PCDH9: variants seen among roughly 807,000 people sequenced by gnomAD.
PCDH9 encodes the protein protocadherin-9.
A neutral mutation model predicts 70.6 loss-of-function variants in PCDH9; 24 were observed. The ratio of observed to expected loss-of-function variants is 0.34; its 90% CI spans 0.25 to 0.48. PCDH9 has a LOEUF of 0.48. Among genes scored for constraint, PCDH9 ranks in the 20% least tolerant of loss-of-function variants. The pLI, the probability that PCDH9 is intolerant of heterozygous loss-of-function variation, is 0.99. For synonymous variants in PCDH9, 562 were observed against 558.5 expected (o/e 1.01, Z -0.09); for missense variants, 1,281 against 1,503.6 (o/e 0.85, Z 2.45).
chr13:66,635,976 A>G (rs2077631985), intron 3 of PCDH9, among the ~76,000 whole-genome samples: 1 of 152,180 alleles, frequency 6.6e-6, no homozygotes. Context: ...AGTTATGTCA[A>G]TTAATATGTA....
At chr13:66,916,494 G>A (rs1403277166) in intron 2 of PCDH9, among the ~76,000 whole-genome samples, 1 of 151,466 alleles carries the variant, frequency 6.6e-6, no homozygotes, top group Non-Finnish European at 1.5e-5. Context: ...CAGAATCTGT[G>A]AGATCAAAAG....
At chr13:66,704,854 T>C (rs1056575395) in intron 3 of PCDH9, among the ~76,000 whole-genome samples, 2 of 152,152 alleles carry the variant, frequency 1.3e-5, no homozygotes, top group Non-Finnish European at 2.9e-5. Context: ...TTAAAATACA[T>C]TTTTCTTCAT....
intron 4 of PCDH9, among the ~76,000 whole-genome samples, chr13:66,310,253 T>G (rs968382424): frequency 3.9e-5 from 6 of 152,038 alleles, no homozygotes; most frequent in Non-Finnish European, 5.9e-5. Context: ...AATATTTATA[T>G]CAGGTCTCAA....
intron 2 of PCDH9, among the ~76,000 whole-genome samples, chr13:67,039,083 T>G (rs951226604): frequency 6.6e-6 from 1 of 152,208 alleles, no homozygotes; most frequent in Admixed American, 6.5e-5. Context: ...TTCACGGAAC[T>G]TCTGCATTGG....
chr13:66,583,471 G>A (rs1181083950), intron 4 of PCDH9, among the ~76,000 whole-genome samples: 1 of 151,916 alleles, frequency 6.6e-6, no homozygotes, highest in African/African-American at 2.4e-5. Context: ...AATTGGCTGG[G>A]CTTGGGGGGA....
chr13:67,175,796 A>T (rs1274702544), intron 2 of PCDH9, among the ~76,000 whole-genome samples: 1 of 152,178 alleles, frequency 6.6e-6, no homozygotes, highest in Non-Finnish European at 1.5e-5. Context: ...TCCCTTAACT[A>T]GTTCTAAAGA....
rs1226480227 is a variant in PCDH9 at position 67,036,602 on chromosome 13, T to C, written c.3037-132997A>G. The stretch of plus-strand genomic sequence containing the variant: ...CAACTTCAGGTTTTTTGACATGTTG[T>C]TATATTTAAATTAAAGGCAATGTTA... On this transcript the variant is annotated intron_variant, in intron 2 of 4. Transcript: ENST00000377865. Among the ~76,000 whole-genome samples, 3 of 152,326 alleles carry C rather than the reference T, an allele frequency of 2.0e-5. No individual in the cohort carries two copies. In the South Asian group the frequency reaches 6.2e-4, roughly 32 times the overall value.
chr13:66,405,531 T>G (rs1427509438), intron 4 of PCDH9, among the ~76,000 whole-genome samples: 1 of 152,164 alleles, frequency 6.6e-6, no homozygotes, highest in Non-Finnish European at 1.5e-5. Flanking sequence ...AAAAATAGAT[T>G]ATTTAAATGT....
chr13:66,981,448 A>G (rs1047622677), intron 2 of PCDH9, among the ~76,000 whole-genome samples: 1 of 151,520 alleles, frequency 6.6e-6, no homozygotes, highest in Non-Finnish European at 1.5e-5. Context: ...AAAAAAAAAA[A>G]AAAAGAAAAA....
Position 67,146,801 on chromosome 13 carries a change from C to T in PCDH9, c.3036+78604G>A, listed in dbSNP as rs2087533745. Among the ~76,000 whole-genome samples the T allele has an allele frequency of 2.0e-5, 3 of 152,178 alleles. No individual in the cohort carries two copies. The South Asian group carries it at 6.2e-4, about 31-fold the overall frequency. ...AAAAGTACTCTGCCAGAAAAGCCTA[C>T]TTCAGTCAAAACACACTTCCACTTA... On this transcript the variant is annotated intron_variant, in intron 2 of 4. Transcript: ENST00000377865.
At chr13:66,957,046 C>T (rs1372257856) in intron 2 of PCDH9, among the ~76,000 whole-genome samples, 1 of 152,142 alleles carries the variant, frequency 6.6e-6, no homozygotes, top group Non-Finnish European at 1.5e-5. Flanking sequence ...AATTATAGCA[C>T]CCACAATTTA....
rs777808609 is a variant in PCDH9, at chr13:67,227,302, T to C, written c.1139A>G (p.Asn380Ser). The C allele has an allele frequency of 6.2e-7, 1 of 1,613,676 alleles. No individual in the cohort carries two copies. Among genetic ancestry groups the C allele is most frequent in the East Asian group, 2.2e-5 (1 of 44,872 alleles). The change falls in exon 2 of 5, where the codon AAT (asparagine) becomes AGT (serine). Residue 380 changes from asparagine (N) to serine (S), a missense_variant. Coordinates refer to ENST00000377865, the MANE Select transcript of PCDH9 (RefSeq NM_203487.3). This position sits in a 1 kb window ranked among gnomAD's most constrained non-coding sequence, Gnocchi z 4.6. ...TVYLSEKDPV[N>S]TKIALITVSD... ...AACTGTAATTAGGGCAATCTTTGTA[T>C]TGACAGGATCTTTCTCAGATAAATA...
At chr13:66,984,502 A>C (rs1487714820) in intron 2 of PCDH9, among the ~76,000 whole-genome samples, 4 of 152,094 alleles carry the variant, frequency 2.6e-5, no homozygotes, top group African/African-American at 7.2e-5. Flanking sequence ...GCTTGTTTTG[A>C]CCTAGGACAA....
chr13:67,210,231 A>C (rs2031864), intron 2 of PCDH9: 35 of 151,846 alleles, frequency 2.3e-4, no homozygotes, highest in Non-Finnish European at 4.4e-5. Flanking sequence ...CAATCTGCTC[A>C]AGGTTTTGTA....
chr13:66,345,674 A>C (rs903998656), intron 4 of PCDH9, among the ~76,000 whole-genome samples: 3 of 152,164 alleles, frequency 2.0e-5, no homozygotes, highest in Non-Finnish European at 4.4e-5. Flanking sequence ...CATAAGGTTG[A>C]TTTGGACCTC....
intron 2 of PCDH9, among the ~76,000 whole-genome samples, chr13:67,097,012 C>G (rs937530729): frequency 6.6e-6 from 1 of 151,808 alleles, no homozygotes; most frequent in Non-Finnish European, 1.5e-5. Flanking sequence ...CTTTGGGAGG[C>G]CAAGGTGGGT....
chr13:67,006,655 G>A (rs1277843293), intron 2 of PCDH9, among the ~76,000 whole-genome samples: 2 of 152,150 alleles, frequency 1.3e-5, no homozygotes, highest in Non-Finnish European at 2.9e-5. Context: ...TGTTTAAGTT[G>A]AATTAAGGTC....
chr13:66,902,621 T>C, intron 3 of PCDH9, among the ~76,000 whole-genome samples: 1 of 151,594 alleles, frequency 6.6e-6, no homozygotes, highest in Non-Finnish European at 1.5e-5. Flanking sequence ...CTACAGTCTA[T>C]ATGTTACAGC....
intron 4 of PCDH9, among the ~76,000 whole-genome samples, chr13:66,472,556 T>G (rs1958641282): frequency 6.6e-6 from 1 of 152,060 alleles, no homozygotes; most frequent in Non-Finnish European, 1.5e-5. Flanking sequence ...GGTGACAGAG[T>G]GGGACCCTAT....
Sources: gnomAD v4.1 joint callset for allele counts (sites outside exome capture counted in the v4.1 genomes callset) on GRCh38, gnomAD v4.1.1 for gene constraint, Gnocchi (gnomAD v3.1) non-coding constraint, MANE v1.5 for transcripts, NCBI Gene and HGNC (gene_info 2026-07-23, HGNC 2026-07-21) for gene names.